Variants in C3orf33 observed in about 807,000 individuals in gnomAD.
The protein encoded by C3orf33 is mitochondrial inner membrane subdomain organizer 1, also known as AP-1 activity suppressor.
Under a neutral mutation model 28.7 loss-of-function variants are expected in C3orf33, and 23 were observed. The observed-to-expected ratio is 0.80, with a 90% confidence interval of 0.58 to 1.13. The LOEUF (loss-of-function observed/expected upper bound fraction) is 1.13. C3orf33 is among the 50% of genes most tolerant of loss of function. C3orf33 has a pLI of 0.00. For missense variants in C3orf33, 327 were observed against 353.4 expected, an observed-to-expected ratio of 0.93 and a Z score of 0.60; for synonymous variants, 119 against 120.5, an observed-to-expected ratio of 0.99 and a Z score of 0.08.
At chr3:155,786,590 G>A (rs1488821641) in intron 2 of C3orf33, among the ~76,000 whole-genome samples, 2 of 152,144 alleles carry the variant, frequency 1.3e-5, no homozygotes, top group Admixed American at 6.5e-5. Flanking sequence ...ACTTTGGGAG[G>A]CCAAGGCAGG....
chr3:155,771,330 G>A (rs1379377428), intron 3 of C3orf33, among the ~76,000 whole-genome samples: 1 of 152,114 alleles, frequency 6.6e-6, no homozygotes, highest in Non-Finnish European at 1.5e-5. Flanking sequence ...CACCAAGGCT[G>A]GAGTGCAGTG....
At chr3:155,795,999 C>G (rs1248584117) in intron 2 of C3orf33, among the ~76,000 whole-genome samples, 1 of 151,822 alleles carries the variant, frequency 6.6e-6, no homozygotes, top group Non-Finnish European at 1.5e-5. Context: ...ATATCAACAC[C>G]CATGGGATAC....
At chr3:155,772,894 A>G (rs919727535) in intron 3 of C3orf33, among the ~76,000 whole-genome samples, 4 of 151,836 alleles carry the variant, frequency 2.6e-5, no homozygotes, top group Non-Finnish European at 4.4e-5. Context: ...AGTCTTAGAA[A>G]TCATAACTTT....
Position 155,801,397 on chromosome 3 carries a change from G to A in C3orf33, c.174+1135C>T, listed in dbSNP as rs1459706326. 2.0e-5 allele frequency among the ~76,000 whole-genome samples: 3 copies of A among 151,990 alleles called. No homozygotes were observed. The East Asian group carries it at 5.8e-4, about 29-fold the overall frequency. On this transcript the variant is annotated intron_variant, in intron 2 of 4. Coordinates refer to ENST00000340171, the MANE Select transcript of C3orf33 (RefSeq NM_001308229.2). Reference sequence around the variant, plus strand: ...CTGAATCTCAAAATAACTAAAAGTAGGATCTCAAAGAGATATTTGTATATG... The same window carrying A: ...CTGAATCTCAAAATAACTAAAAGTAAGATCTCAAAGAGATATTTGTATATG...
chr3:155,801,121 T>C (rs889202858), intron 2 of C3orf33, among the ~76,000 whole-genome samples: 4 of 152,138 alleles, frequency 2.6e-5, no homozygotes, highest in Admixed American at 1.3e-4. Context: ...GAGACCAGCC[T>C]GACCAACATG....
chr3:155,806,204 C>T lies in C3orf33; in HGVS notation c.49G>A (p.Gly17Arg), dbSNP rs929637318. 60 of 1,494,540 alleles carry T rather than the reference C, an allele frequency of 4.0e-5. No homozygotes were observed. Among genetic ancestry groups the T allele is most frequent in the Middle Eastern group, 1.9e-4 (1 of 5,164 alleles). The allele number at this position is 1,494,540 out of a possible 1,614,324, so 92.6% of individuals were successfully genotyped here. A position where few individuals can be genotyped will look rare whatever the true frequency, so the allele number is the denominator to read the frequency against. ...CGAGCCACGACGTTGGGCTCCATTC[C>T]GTCCTTGTCGGCAGACGGCGAGCCG... The part of the protein sequence containing the change: ...ATGSPSADKD[G>R]MEPNVVARIS... Residue 17 changes from glycine to arginine, a missense_variant, in exon 1 of 5, where the codon GGA (glycine) becomes AGA (arginine). Transcript: ENST00000340171.
intron 2 of C3orf33, among the ~76,000 whole-genome samples, chr3:155,796,262 TAAGAA>T (rs984715586): frequency 1.3e-5 from 2 of 151,808 alleles, no homozygotes; most frequent in African/African-American, 4.8e-5. Flanking sequence ...TTAGCCAGAC[TAAGAA>T]AAGAAGAGAG....
At chr3:155,805,634 A>C in intron 1 of C3orf33, 2 of 454,688 alleles carry the variant, frequency 4.4e-6, no homozygotes, top group Non-Finnish European at 8.8e-6. Context: ...AAGTGGGAGG[A>C]TCTTTTCGGC....
At chr3:155,805,680 G>C (rs1387627152) in intron 1 of C3orf33, 4 of 455,398 alleles carry the variant, frequency 8.8e-6, no homozygotes, top group Admixed American at 2.3e-5. Context: ...AGCTATGATC[G>C]TGCCACTGCA....
At chr3:155,764,073 G>A (rs942267332) in intron 4 of C3orf33, among the ~76,000 whole-genome samples, 155 bp from the exon 5 acceptor site, 9 of 152,160 alleles carry the variant, frequency 5.9e-5, no homozygotes, top group African/African-American at 9.7e-5. Flanking sequence ...CAGCTCTTGC[G>A]AAATCCAAGG....
Position 155,763,858 on chromosome 3 carries a change from C to T in C3orf33, c.544G>A (p.Val182Ile), listed in dbSNP as rs772069197. ...EILRRGLGKT[V>I]LVKGLKYDSK... ...TCATATTTAAGCCCTTTAACAAGAA[C>T]AGTTTTGCCAAGGCCTCTTCTCAAA... Residue 182 changes from valine (V) to isoleucine (I), a missense_variant, in exon 5 of 5, where the codon GTT becomes ATT. Transcript: ENST00000340171. The T allele has an allele frequency of 4.9e-5, 75 of 1,529,962 alleles. No individual in the cohort carries two copies. Among genetic ancestry groups the T allele is most frequent in the Non-Finnish European group, 6.1e-5 (70 of 1,145,562 alleles). The allele number at this position is 1,529,962 out of a possible 1,614,324, so 94.8% of individuals were successfully genotyped here.
At chr3:155,796,444 C>G (rs1751478273) in intron 2 of C3orf33, among the ~76,000 whole-genome samples, 1 of 152,054 alleles carries the variant, frequency 6.6e-6, no homozygotes, top group Non-Finnish European at 1.5e-5. Context: ...AATATTGTAA[C>G]ATGAAGAAAT....
intron 2 of C3orf33, among the ~76,000 whole-genome samples, chr3:155,785,702 A>T (rs1285677280): frequency 6.6e-6 from 1 of 152,192 alleles, no homozygotes; most frequent in Non-Finnish European, 1.5e-5. Flanking sequence ...AGCAGTGCTA[A>T]GGGAGAAATG....
intron 1 of C3orf33, 33 bp from the exon 2 acceptor site, chr3:155,802,624 T>C: frequency 6.7e-7 from 1 of 1,498,274 alleles, no homozygotes; most frequent in Non-Finnish European, 9.1e-7. Context: ...TAACCCTCAC[T>C]AATTATTAGT....
rs1293184527 is a variant in C3orf33 at position 155,775,841 on chromosome 3, T to C, written c.182A>G (p.Lys61Arg). The stretch of plus-strand genomic sequence containing the variant: ...TGGAATATCCGAAGAGCTTGTAAAT[T>C]TTGATGTCTATTGATTTACAGGGAG... ...LLLRSIRLTS[K>R]FTSSSDIPVE... Residue 61 changes from lysine to arginine, a missense_variant, in exon 3 of 5, where the codon AAA (lysine) becomes AGA (arginine). Transcript: ENST00000340171. 1 of 1,586,904 alleles carries C rather than the reference T, an allele frequency of 6.3e-7. No individual in the cohort carries two copies.
intron 2 of C3orf33, among the ~76,000 whole-genome samples, chr3:155,776,886 T>C (rs777628669): frequency 3.3e-5 from 5 of 151,026 alleles, no homozygotes; most frequent in African/African-American, 4.9e-5. Flanking sequence ...GAATATACTA[T>C]AGAATAAATC....
chr3:155,774,668 T>TTGTTTTGC, intron 3 of C3orf33, among the ~76,000 whole-genome samples: 3 of 7,332 alleles, frequency 4.1e-4, no homozygotes, highest in Non-Finnish European at 8.1e-4. Flanking sequence ...TTGTTTTGCT[T>TTGTTTTGC]TTTTTTTTTT....
intron 3 of C3orf33, among the ~76,000 whole-genome samples, chr3:155,768,290 A>AG (rs1750477083): frequency 6.6e-6 from 1 of 152,208 alleles, no homozygotes; most frequent in Non-Finnish European, 1.5e-5. Context: ...ATAAAGCTAT[A>AG]GGCCTTCAGT....
chr3:155,763,693 A>T lies in C3orf33; in HGVS notation c.709T>A (p.Trp237Arg). 3 of 1,593,892 alleles carry T rather than the reference A, an allele frequency of 1.9e-6. No individual in the cohort carries two copies. The highest frequency in any genetic ancestry group is 2.6e-6 in the Non-Finnish European group (3 of 1,175,034). Residue 237 changes from tryptophan to arginine, a missense_variant, in exon 5 of 5, where the codon TGG becomes AGG. Trp to Arg is a moderately radical substitution (Grantham distance 101). Transcript: ENST00000340171. ...EKFKDSWREI[W>R]KKDSFLKTTG... ...GTTTTTAAAAAACTGTCCTTTTTCC[A>T]TATTTCTCTCCAGGAATCTTTGAAT...
Sources: gnomAD v4.1 joint callset for allele counts (sites outside exome capture counted in the v4.1 genomes callset) on GRCh38, gnomAD v4.1.1 for gene constraint, MANE v1.5 for transcripts, NCBI Gene and HGNC (gene_info 2026-07-23, HGNC 2026-07-21) for gene names.